PDLIM5: variants seen among roughly 807,000 people sequenced by gnomAD.
The protein encoded by PDLIM5 is PDZ and LIM domain protein 5.
In PDLIM5, 34 loss-of-function variants were observed where a neutral mutation model predicts 64.2. That is an observed-to-expected ratio of 0.53 (90% CI 0.40 to 0.71). PDLIM5 has a LOEUF of 0.71. Among genes scored for constraint, PDLIM5 ranks in the 30% least tolerant of loss-of-function variants. PDLIM5 has a pLI of 0.00. For synonymous variants in PDLIM5, 253 were observed against 269.1 expected, an observed-to-expected ratio of 0.94 and a Z score of 0.59; for missense variants, 683 against 733.6, an observed-to-expected ratio of 0.93 and a Z score of 0.80.
chr4:94,607,226 G>A (rs1234695867), intron 7 of PDLIM5, among the ~76,000 whole-genome samples: 1 of 151,566 alleles, frequency 6.6e-6, no homozygotes, highest in African/African-American at 2.4e-5. Flanking sequence ...TTGAAAATCA[G>A]TGTAACATGA....
chr4:94,662,530 T>C lies in PDLIM5; in HGVS notation c.1694T>C (p.Val565Ala). 6.6e-7 allele frequency: 1 copy of C among 1,508,038 alleles called. No individual in the cohort carries two copies. The allele number at this position is 1,508,038 out of a possible 1,614,324, so 93.4% of individuals were successfully genotyped here. A position where few individuals can be genotyped will look rare whatever the true frequency, so the allele number is the denominator to read the frequency against. The change falls in exon 12 of 13, where the codon GTA (valine) becomes GCA (alanine). Residue 565 changes from valine (V) to alanine (A), a missense_variant. Transcript: ENST00000317968. ...LGYTWHDTCFVCSVCCESLEG... is the reference protein window; with the variant it reads ...LGYTWHDTCFACSVCCESLEG... Reference sequence around the variant, plus strand: ...TACACCTGGCATGACACTTGCTTTGTATGCTCAGTAAGTAGAGTCTTATTT... The same window carrying C: ...TACACCTGGCATGACACTTGCTTTGCATGCTCAGTAAGTAGAGTCTTATTT...
At chr4:94,601,636 C>G (rs1427960115) in intron 7 of PDLIM5, among the ~76,000 whole-genome samples, 2 of 152,108 alleles carry the variant, frequency 1.3e-5, no homozygotes, top group African/African-American at 4.8e-5. Context: ...ACCTTTTAGC[C>G]TCTAAGATCC....
chr4:94,506,716 T>A (rs1479527026), intron 2 of PDLIM5, among the ~76,000 whole-genome samples: 1 of 152,128 alleles, frequency 6.6e-6, no homozygotes, highest in Non-Finnish European at 1.5e-5. Context: ...AGGTGTCAAC[T>A]TGGTTGGATT....
At chr4:94,525,635 A>G (rs1277589513) in intron 3 of PDLIM5, among the ~76,000 whole-genome samples, 1 of 152,204 alleles carries the variant, frequency 6.6e-6, no homozygotes, top group Non-Finnish European at 1.5e-5. Context: ...CTGAGTATCA[A>G]TTTGGTATTA....
intron 8 of PDLIM5, among the ~76,000 whole-genome samples, chr4:94,619,322 A>G (rs1291612474): frequency 2.0e-5 from 3 of 148,946 alleles, no homozygotes; most frequent in Non-Finnish European, 4.4e-5. Context: ...CCATACCTCC[A>G]TACTACAGCA....
At chr4:94,604,834 TAGTA>T (rs1402905979) in intron 7 of PDLIM5, among the ~76,000 whole-genome samples, 1 of 152,164 alleles carries the variant, frequency 6.6e-6, no homozygotes, top group African/African-American at 2.4e-5. Flanking sequence ...ATCGTTAAGA[TAGTA>T]AGTTTCATGT....
At chr4:94,626,461 G>T (rs1362614661) in intron 8 of PDLIM5, among the ~76,000 whole-genome samples, 2 of 152,174 alleles carry the variant, frequency 1.3e-5, no homozygotes, top group African/African-American at 4.8e-5. Context: ...TCTGAATACT[G>T]TATTTTCCTA....
intron 9 of PDLIM5, among the ~76,000 whole-genome samples, chr4:94,652,236 A>C (rs1741897244): frequency 6.6e-6 from 1 of 152,216 alleles, no homozygotes; most frequent in Admixed American, 6.5e-5. Flanking sequence ...TAAGAATACT[A>C]GCCTCAAGAG....
At chr4:94,566,591 A>T (rs902365782) in intron 3 of PDLIM5, among the ~76,000 whole-genome samples, 6 of 152,338 alleles carry the variant, frequency 3.9e-5, no homozygotes, top group African/African-American at 1.4e-4. Flanking sequence ...CAAGGGAGGT[A>T]TTATGACCCT....
chr4:94,526,772 C>T (rs1730398040), intron 3 of PDLIM5, among the ~76,000 whole-genome samples: 2 of 150,838 alleles, frequency 1.3e-5, no homozygotes. Context: ...CGCTCTGTCG[C>T]CCAGGCTGGA....
chr4:94,610,208 G>C, intron 7 of PDLIM5: 1 of 1,525,174 alleles, frequency 6.6e-7, no homozygotes, highest in Non-Finnish European at 8.8e-7. Context: ...GAAGGTTTTC[G>C]AAACTTTTCT....
At chr4:94,620,828 C>T (rs550310772) in intron 8 of PDLIM5, among the ~76,000 whole-genome samples, 4 of 151,828 alleles carry the variant, frequency 2.6e-5, no homozygotes, top group Admixed American at 2.0e-4. Flanking sequence ...GAGGCTGAGG[C>T]GGGCGGATCA....
intron 5 of PDLIM5, chr4:94,584,947 G>A (rs1379531758): frequency 7.0e-7 from 1 of 1,427,072 alleles, no homozygotes; most frequent in Admixed American, 1.9e-5. Context: ...CTTCATGTTG[G>A]AAATCTTTCT....
chr4:94,524,052 A>G lies in PDLIM5; in HGVS notation c.248+177A>G, dbSNP rs145892532. Among the ~76,000 whole-genome samples, 91 of 152,270 alleles carry G rather than the reference A, an allele frequency of 6.0e-4. 1 individual carries two copies. The East Asian group carries it at 0.011, about 18-fold the overall frequency. Reference sequence around the variant, plus strand: ...AGCAGCAAGAGAATTGCTGAAAGCTATGAGTTATTTCCCCATCAAAAGGCA... The same window carrying G: ...AGCAGCAAGAGAATTGCTGAAAGCTGTGAGTTATTTCCCCATCAAAAGGCA... On this transcript the variant is annotated intron_variant, in intron 3 of 12. Transcript: ENST00000317968.
intron 2 of PDLIM5, among the ~76,000 whole-genome samples, chr4:94,498,606 G>A (rs1178774932): frequency 6.6e-6 from 1 of 152,176 alleles, no homozygotes; most frequent in African/African-American, 2.4e-5. Flanking sequence ...CATTTTCGTT[G>A]TTGTTGTTCA....
chr4:94,668,174 A>G lies in PDLIM5; in HGVS notation c.*4107A>G, dbSNP rs1391776399. On this transcript the variant is annotated 3_prime_UTR_variant, in exon 13 of 13. Coordinates refer to ENST00000317968, the MANE Select transcript of PDLIM5 (RefSeq NM_006457.5). ...GATAAATATAATCAGTATAGTAATA[A>G]TACCATAATGTGCACATACTCAATA... is the stretch of plus-strand genomic sequence containing the variant. 2.0e-5 allele frequency: 3 copies of G among 152,166 alleles called. No homozygotes were observed. In the East Asian group the frequency reaches 5.8e-4, roughly 29 times the overall value. 9.4% of individuals were successfully genotyped at this position (152,166 alleles called of 1,614,324 possible).
At chr4:94,601,664 A>G (rs1019839658) in intron 7 of PDLIM5, among the ~76,000 whole-genome samples, 3 of 152,168 alleles carry the variant, frequency 2.0e-5, no homozygotes, top group African/African-American at 7.2e-5. Flanking sequence ...CTTGTCTGCC[A>G]TGTGCAAAGC....
chr4:94,664,285 A>G lies in PDLIM5; in HGVS notation c.*218A>G. On this transcript the variant is annotated 3_prime_UTR_variant, in exon 13 of 13. Transcript: ENST00000317968. Reference sequence around the variant, plus strand: ...TTATTATTACTTTTTCCTGTATTTTATGCCCATAAAATAAGCTTTATAAAA... The same window carrying G: ...TTATTATTACTTTTTCCTGTATTTTGTGCCCATAAAATAAGCTTTATAAAA... 1.1e-6 allele frequency: 1 copy of G among 915,616 alleles called. No individual in the cohort carries two copies. Among genetic ancestry groups the G allele is most frequent in the Non-Finnish European group, 1.4e-6 (1 of 734,872 alleles). 56.7% of individuals were successfully genotyped at this position (915,616 alleles called of 1,614,324 possible).
chr4:94,582,526 G>A lies in PDLIM5; in HGVS notation c.711-3039G>A, dbSNP rs556262140. 1.2e-4 allele frequency: 64 copies of A among 527,148 alleles called. No homozygotes were observed. In the South Asian group the frequency reaches 1.5e-3, roughly 12 times the overall value. The allele number at this position is 527,148 out of a possible 1,614,324, so 32.7% of individuals were successfully genotyped here. ...AACATTTGTTCATTTTTTGGTCTGTGTTTACATAATTATTTTGAAGCATGA... is the reference window on the plus strand; with the variant it reads ...AACATTTGTTCATTTTTTGGTCTGTATTTACATAATTATTTTGAAGCATGA... On this transcript the variant is annotated intron_variant, in intron 5 of 12. Coordinates refer to ENST00000317968, the MANE Select transcript of PDLIM5 (RefSeq NM_006457.5).
Sources: allele counts gnomAD v4.1 joint callset (sites outside exome capture counted in the v4.1 genomes callset), GRCh38; gene constraint gnomAD v4.1.1; transcripts MANE v1.5; gene names NCBI Gene and HGNC (gene_info 2026-07-23, HGNC 2026-07-21).